SPATA13: variants seen among roughly 807,000 people sequenced by gnomAD.
SPATA13 encodes spermatogenesis associated 13.
SPATA13 carries 50 observed loss-of-function variants against 104.0 expected under a neutral mutation model. The ratio of observed to expected loss-of-function variants is 0.48; its 90% CI spans 0.38 to 0.61. SPATA13 has a LOEUF of 0.61. Among genes scored for constraint, SPATA13 ranks in the 20% least tolerant of loss-of-function variants. The pLI, the probability that SPATA13 is intolerant of heterozygous loss-of-function variation, is 0.00. For synonymous variants in SPATA13, 606 were observed against 667.5 expected (o/e 0.91, Z 1.42); for missense variants, 1,524 against 1,690.6 (o/e 0.90, Z 1.73).
Position 24,223,462 on chromosome 13 carries a change from G to A in SPATA13, c.533G>A (p.Trp178Ter). The A allele has an allele frequency of 6.5e-7, 1 of 1,550,248 alleles. No individual in the cohort carries two copies. The highest frequency in any genetic ancestry group is 2.4e-5 in the East Asian group (1 of 40,910). The change falls in exon 2 of 13, where the codon TGG becomes TAG. Residue 178 changes from tryptophan (W) to a stop codon, truncating the protein, a stop_gained. Transcript: ENST00000382108. LOFTEE classifies it high-confidence loss of function. ...PACGALRPAE[W>*]GTLDGSDLED... ...TGTGGTGCCCTCAGGCCAGCAGAGT[G>A]GGGCACATTGGATGGCTCCGACCTC...
intron 3 of SPATA13, among the ~76,000 whole-genome samples, chr13:24,119,816 C>T (rs1289811410): frequency 6.6e-6 from 1 of 152,204 alleles, no homozygotes; most frequent in Non-Finnish European, 1.5e-5. Context: ...CGGCCAGCCC[C>T]CACCGTGCAT....
Position 24,286,342 on chromosome 13 carries a change from G to C in SPATA13, c.2430G>C (p.Trp810Cys). ...TGGAAGCCTCCAACAAGGACTGGTGGTGGGGCCGCAGTGAAGATAAGGAAG... is the reference window on the plus strand; with the variant it reads ...TGGAAGCCTCCAACAAGGACTGGTGCTGGGGCCGCAGTGAAGATAAGGAAG... ...QVLEASNKDW[W>C]WGRSEDKEAW... The change falls in exon 6 of 13, where the codon TGG becomes TGC. Residue 810 changes from tryptophan to cysteine, a missense_variant. By Grantham distance (215) the Trp-to-Cys change is radical. Transcript: ENST00000382108. The surrounding 1 kb of genome is among the most constrained non-coding windows in gnomAD (Gnocchi z 4.9). 6.2e-7 allele frequency: 1 copy of C among 1,613,296 alleles called. No individual in the cohort carries two copies. Among genetic ancestry groups the C allele is most frequent in the Non-Finnish European group, 8.5e-7 (1 of 1,180,028 alleles).
At chr13:24,181,594 T>C (rs560025932) in intron 1 of SPATA13, among the ~76,000 whole-genome samples, 2 of 152,072 alleles carry the variant, frequency 1.3e-5, no homozygotes, top group Admixed American at 1.3e-4. Flanking sequence ...TAGGTCTACA[T>C]AGGGTCAGCA....
intron 3 of SPATA13, among the ~76,000 whole-genome samples, chr13:24,037,976 A>G (rs1429203772): frequency 1.3e-4 from 19 of 151,872 alleles, no homozygotes; most frequent in Admixed American, 1.2e-3. Flanking sequence ...CAGTGGCACA[A>G]TCTTGGCTCA....
chr13:24,059,769 GGA>G (rs971333696), intron 3 of SPATA13, among the ~76,000 whole-genome samples: 42 of 152,236 alleles, frequency 2.8e-4, no homozygotes, highest in African/African-American at 1.0e-3. Context: ...GGCGTTTCCT[GGA>G]TAAGATCATG....
Position 24,189,651 on chromosome 13 carries a change from T to TATATA in SPATA13, c.-112+28720_-112+28724dup, listed in dbSNP as rs1869407620. Among the ~76,000 whole-genome samples the TATATA allele has an allele frequency of 2.9e-4, 2 of 6,986 alleles. 1 individual carries two copies. The highest frequency in any genetic ancestry group is 0.014 in the Admixed American group (2 of 142). 4.6% of individuals were successfully genotyped at this position (6,986 alleles called of 152,430 possible). The stretch of plus-strand genomic sequence containing the variant: ...TAAATATATATATTTATATATATAT[T>TATATA]ATATATTATATATTTATATATTATA... On this transcript the variant is annotated intron_variant, in intron 1 of 12. Coordinates refer to ENST00000382108, the MANE Select transcript of SPATA13 (RefSeq NM_001166271.3).
intron 3 of SPATA13, among the ~76,000 whole-genome samples, chr13:24,043,479 TACAC>T (rs34690904): frequency 1.3e-5 from 2 of 151,696 alleles, no homozygotes; most frequent in African/African-American, 2.4e-5. Context: ...TGATTGATAT[TACAC>T]ACACACACAC....
At chr13:24,037,214 GA>G (rs1877718906) in intron 3 of SPATA13, among the ~76,000 whole-genome samples, 2 of 105,224 alleles carry the variant, frequency 1.9e-5, no homozygotes, top group South Asian at 3.8e-4. Context: ...AGGGTGGGGG[GA>G]GGGGGGAGGG....
At chr13:24,236,282 C>G (rs1157521020) in intron 2 of SPATA13, among the ~76,000 whole-genome samples, 2 of 152,066 alleles carry the variant, frequency 1.3e-5, no homozygotes, top group African/African-American at 4.8e-5. Flanking sequence ...TCTTCAACAA[C>G]AACAAAAAAC....
intron 3 of SPATA13, among the ~76,000 whole-genome samples, chr13:24,153,854 G>A (rs1409820781): frequency 6.6e-6 from 1 of 152,182 alleles, no homozygotes; most frequent in Non-Finnish European, 1.5e-5. Flanking sequence ...CTTGGGGTTG[G>A]AATCCTAGCC....
intron 4 of SPATA13, among the ~76,000 whole-genome samples, chr13:24,255,759 T>C (rs1873760554): frequency 6.6e-6 from 1 of 152,216 alleles, no homozygotes; most frequent in South Asian, 2.1e-4. Context: ...AACTCCTTCC[T>C]TTCTATGCAC....
At chr13:24,143,748 G>A (rs1257620234) in intron 3 of SPATA13, among the ~76,000 whole-genome samples, 1 of 152,134 alleles carries the variant, frequency 6.6e-6, no homozygotes, top group Non-Finnish European at 1.5e-5. Flanking sequence ...TTCAGAAACT[G>A]TCTGGCTACT....
At position 24,289,138 on chromosome 13, in the gene SPATA13, A is replaced by G. The variant is rs1876160524; in HGVS notation, c.2807A>G (p.Glu936Gly). The change falls in exon 8 of 13, where the codon GAA becomes GGA. Residue 936 changes from glutamate (E) to glycine (G), a missense_variant. Glu to Gly is a moderately conservative substitution (Grantham distance 98). This residue lies in a region of SPATA13 where 435 missense variants were observed against 554.8 expected (regional missense o/e 0.78). Transcript: ENST00000382108. Reference sequence around the variant, plus strand: ...CTTGAGAAACAGTACAACAAAGAGGAACCTCACTTAAGTGAAATAGGATCT... The same window carrying G: ...CTTGAGAAACAGTACAACAAAGAGGGACCTCACTTAAGTGAAATAGGATCT... ...KDLEKQYNKEEPHLSEIGSCF... is the reference protein window; with the variant it reads ...KDLEKQYNKEGPHLSEIGSCF... 6.2e-7 allele frequency: 1 copy of G among 1,611,660 alleles called. No homozygotes were observed. The highest frequency in any genetic ancestry group is 1.3e-5 in the African/African-American group (1 of 74,730).
At chr13:24,038,892 C>T (rs983915953) in intron 3 of SPATA13, among the ~76,000 whole-genome samples, 4 of 152,180 alleles carry the variant, frequency 2.6e-5, no homozygotes, top group Non-Finnish European at 5.9e-5. Context: ...TAATTCTAGT[C>T]TTGGCTAAAA....
At chr13:24,138,167 C>T (rs1327176821) in intron 3 of SPATA13, among the ~76,000 whole-genome samples, 13 of 151,782 alleles carry the variant, frequency 8.6e-5, no homozygotes, top group Admixed American at 2.0e-4. Flanking sequence ...ATTAGCTGGG[C>T]GTGGTGACGT....
At chr13:24,170,519 C>T (rs1030645854) in intron 1 of SPATA13, among the ~76,000 whole-genome samples, 2 of 152,206 alleles carry the variant, frequency 1.3e-5, no homozygotes, top group African/African-American at 4.8e-5. Context: ...AGAGGTGCTA[C>T]TTTCTATTTC....
intron 12 of SPATA13, 84 bp from the exon 13 acceptor site, chr13:24,302,514 G>A (rs12584323): frequency 0.24 from 174,832 of 715,980 alleles, 25,843 homozygotes; most frequent in East Asian, 0.51. Flanking sequence ...CTTGGACTTG[G>A]AGTCTCAGCA....
At chr13:24,144,008 A>G (rs1478863142) in intron 3 of SPATA13, among the ~76,000 whole-genome samples, 3 of 152,168 alleles carry the variant, frequency 2.0e-5, no homozygotes, top group African/African-American at 7.2e-5. Context: ...TTGGCCAGAA[A>G]CACTCAAAGC....
chr13:24,100,096 C>T (rs572553199), intron 3 of SPATA13, among the ~76,000 whole-genome samples: 5 of 151,856 alleles, frequency 3.3e-5, no homozygotes, highest in Admixed American at 2.0e-4. Context: ...TATTCTTTTC[C>T]GTGGCTTTCT....
Sources: allele counts gnomAD v4.1 joint callset (sites outside exome capture counted in the v4.1 genomes callset), GRCh38; gene constraint gnomAD v4.1.1; regional missense constraint gnomAD v4.1.1; non-coding constraint Gnocchi (gnomAD v3.1); transcripts MANE v1.5; gene names NCBI Gene and HGNC (gene_info 2026-07-23, HGNC 2026-07-21).